The following STRADB variants were observed in gnomAD, a reference collection of about 807,000 sequenced individuals.
STRADB encodes STE20 related adaptor beta.
In STRADB, 34 loss-of-function variants were observed where a neutral mutation model predicts 52.1. That is an observed-to-expected ratio of 0.65 (90% CI 0.50 to 0.87). The LOEUF (loss-of-function observed/expected upper bound fraction) is 0.87. STRADB is among the 40% of genes least tolerant of loss of function. The pLI is 0.00. For synonymous variants in STRADB, 133 were observed against 174.5 expected (o/e 0.76, Z 1.87); for missense variants, 340 against 483.9 (o/e 0.70, Z 2.79).
intron 6 of STRADB, among the ~76,000 whole-genome samples, chr2:201,475,352 A>ATATATAT (rs1282359841): frequency 6.6e-6 from 1 of 151,430 alleles, no homozygotes; most frequent in Non-Finnish European, 1.5e-5. Flanking sequence ...GAAAAAAAAA[A>ATATATAT]ATATATATAT....
At position 201,469,964 on chromosome 2, in the gene STRADB, A is replaced by G; in HGVS notation, c.105A>G (p.Pro35=). The G allele has an allele frequency of 1.9e-6, 3 of 1,613,616 alleles. No homozygotes were observed. Among genetic ancestry groups the G allele is most frequent in the Non-Finnish European group, 2.5e-6 (3 of 1,179,914 alleles). Residue 35 remains proline, a synonymous_variant, in exon 4 of 12, where the codon CCA becomes CCG. Transcript: ENST00000194530. ...TSIHQYLVDE[P]TLSWSRPSTR... is the part of the protein sequence containing the mutation. Reference sequence around the variant, plus strand: ...AAAAACAAATGCAGGTTGATGAGCCAACCCTTTCCTGGTCACGTCCATCCA... The same window carrying G: ...AAAAACAAATGCAGGTTGATGAGCCGACCCTTTCCTGGTCACGTCCATCCA...
chr2:201,452,762 C>T (rs1305545610), intron 1 of STRADB, among the ~76,000 whole-genome samples: 3 of 152,180 alleles, frequency 2.0e-5, no homozygotes, highest in Admixed American at 1.3e-4. Flanking sequence ...AACTCAAAAC[C>T]CGTGTTCTAG....
At position 201,470,175 on chromosome 2, in the gene STRADB, TGTCA is replaced by T. The variant is rs1574289105; in HGVS notation, c.193+128_193+131del. On this transcript the variant is annotated intron_variant, in intron 4 of 11. Transcript: ENST00000194530. ...CCAGCATAAAACTAGATGCTAATTG[TGTCA>T]GTCAAGTGGATTCAATTAATTTATG... is the stretch of plus-strand genomic sequence containing the variant. The T allele has an allele frequency of 5.6e-6, 4 of 709,050 alleles. No individual in the cohort carries two copies. In the East Asian group the frequency reaches 1.1e-4, roughly 19 times the overall value. The allele number at this position is 709,050 out of a possible 1,614,324, so 43.9% of individuals were successfully genotyped here. A position where few individuals can be genotyped will look rare whatever the true frequency, so the allele number is the denominator to read the frequency against.
intron 7 of STRADB, 152 bp from the exon 8 acceptor site, chr2:201,477,467 G>C: frequency 1.4e-5 from 9 of 651,718 alleles, no homozygotes. Flanking sequence ...TGTGTAAACA[G>C]CAGTTTTGCA....
chr2:201,475,784 G>A, intron 7 of STRADB, 42 bp downstream of exon 7: 1 of 1,551,692 alleles, frequency 6.4e-7, no homozygotes. Flanking sequence ...TAATTTTAAT[G>A]GAAGAACTCT....
At chr2:201,457,207 T>A (rs1057012188) in intron 2 of STRADB, among the ~76,000 whole-genome samples, 1 of 152,222 alleles carries the variant, frequency 6.6e-6, no homozygotes. Flanking sequence ...TAATTCTTCT[T>A]TTGCACAGTG....
intron 3 of STRADB, among the ~76,000 whole-genome samples, chr2:201,462,593 AATAAC>A (rs1952232965): frequency 6.6e-6 from 1 of 152,152 alleles, no homozygotes; most frequent in African/African-American, 2.4e-5. Context: ...GAGGCTTGCA[AATAAC>A]ATAACATGTT....
chr2:201,478,930 C>T (rs1242303628), intron 10 of STRADB, among the ~76,000 whole-genome samples: 11 of 151,890 alleles, frequency 7.2e-5, no homozygotes, highest in South Asian at 6.2e-4. Flanking sequence ...AAAAATTAGC[C>T]GGTGTGGTGG....
Position 201,458,791 on chromosome 2 carries a change from T to G in STRADB, c.20T>G (p.Phe7Cys). The change falls in exon 3 of 12, where the codon TTC becomes TGC. Residue 7 changes from phenylalanine (F) to cysteine (C), a missense_variant. By Grantham distance (205) the Phe-to-Cys change is radical (BLOSUM62 -2). Transcript: ENST00000194530. ...TGCATTTCTGACTTCCAGGATTGCT[T>G]CTGCACTTCAAGAACACAAGTTGAA... MSLLDC[F>C]CTSRTQVESL... The G allele has an allele frequency of 3.1e-6, 5 of 1,613,790 alleles. No individual in the cohort carries two copies. Among genetic ancestry groups the G allele is most frequent in the Non-Finnish European group, 4.2e-6 (5 of 1,179,830 alleles).
rs571231483 is a variant in STRADB, at chr2:201,479,206, ACT to A, written c.1071-280_1071-279del. 248 of 302,072 alleles carry A rather than the reference ACT, an allele frequency of 8.2e-4. 1 individual carries two copies. The highest frequency in any genetic ancestry group is 3.0e-3 in the Middle Eastern group (3 of 998). 18.7% of individuals were successfully genotyped at this position (302,072 alleles called of 1,614,324 possible). A position where few individuals can be genotyped will look rare whatever the true frequency, so the allele number is the denominator to read the frequency against. On this transcript the variant is annotated intron_variant, in intron 10 of 11. Transcript: ENST00000194530. The stretch of plus-strand genomic sequence containing the variant: ...CATTAATTAGCACATTTACGTTAAG[ACT>A]CTAAGTAGTATAAAATGTAAATTGC...
At chr2:201,454,349 T>C (rs1952096257) in intron 1 of STRADB, among the ~76,000 whole-genome samples, 1 of 152,196 alleles carries the variant, frequency 6.6e-6, no homozygotes, top group South Asian at 2.1e-4. Context: ...TCTTGGGGTT[T>C]ATTGTAAGTG....
chr2:201,479,553 T>C, intron 11 of STRADB, 22 bp downstream of exon 11: 1 of 1,585,182 alleles, frequency 6.3e-7, no homozygotes, highest in East Asian at 2.3e-5. Flanking sequence ...TATCATCCGT[T>C]GTCTCGATGT....
At chr2:201,463,059 T>C (rs1187988605) in intron 3 of STRADB, among the ~76,000 whole-genome samples, 1 of 152,186 alleles carries the variant, frequency 6.6e-6, no homozygotes, top group Non-Finnish European at 1.5e-5. Context: ...AGTTTTTCAC[T>C]GGGTTTGGTG....
chr2:201,474,099 C>T (rs1168074468), intron 5 of STRADB, among the ~76,000 whole-genome samples: 1 of 152,006 alleles, frequency 6.6e-6, no homozygotes, highest in African/African-American at 2.4e-5. Flanking sequence ...ACCGTGTTAG[C>T]CAGGATGGTC....
chr2:201,466,231 T>C (rs1398126381), intron 3 of STRADB, among the ~76,000 whole-genome samples: 1 of 152,214 alleles, frequency 6.6e-6, no homozygotes, highest in Non-Finnish European at 1.5e-5. Context: ...CTTGTCTCCA[T>C]GCTGTTACTG....
At chr2:201,454,919 T>C in intron 2 of STRADB, 67 bp downstream of exon 2, 2 of 1,432,226 alleles carry the variant, frequency 1.4e-6, no homozygotes, top group Non-Finnish European at 9.7e-7. Flanking sequence ...TGCCAAGCCA[T>C]AATAAAAGGC....
chr2:201,473,505 G>A (rs944074000), intron 5 of STRADB, among the ~76,000 whole-genome samples: 2 of 152,176 alleles, frequency 1.3e-5, no homozygotes, highest in African/African-American at 4.8e-5. Flanking sequence ...CAAACTAATA[G>A]TTCTTCTGTT....
intron 3 of STRADB, among the ~76,000 whole-genome samples, chr2:201,463,626 T>C (rs1050312017): frequency 3.3e-5 from 5 of 152,194 alleles, no homozygotes; most frequent in African/African-American, 7.2e-5. Flanking sequence ...GATATTGATA[T>C]CTTTCTCTAG....
intron 5 of STRADB, among the ~76,000 whole-genome samples, chr2:201,474,023 T>G (rs1471632089): frequency 6.6e-6 from 1 of 151,884 alleles, no homozygotes; most frequent in African/African-American, 2.4e-5. Context: ...CCCGAGTAGC[T>G]GGGACTACAG....
Sources: gnomAD v4.1 joint callset for allele counts (sites outside exome capture counted in the v4.1 genomes callset) on GRCh38, gnomAD v4.1.1 for gene constraint, MANE v1.5 for transcripts, NCBI Gene and HGNC (gene_info 2026-07-23, HGNC 2026-07-21) for gene names.